Variants in SPG11 observed in about 807,000 individuals in gnomAD.
SPG11 encodes SPG11 vesicle trafficking associated, spatacsin.
Under a neutral mutation model 274.0 loss-of-function variants are expected in SPG11, and 222 were observed. The ratio of observed to expected loss-of-function variants is 0.81; its 90% CI spans 0.73 to 0.91. SPG11 has a LOEUF of 0.91. Among genes scored for constraint, SPG11 ranks in the 40% least tolerant of loss-of-function variants. The probability of loss-of-function intolerance (pLI) is 0.00; values close to 1 mark genes in which losing one functional copy is unlikely to be tolerated. For synonymous variants in SPG11, 1,144 were observed against 1,039.7 expected, an observed-to-expected ratio of 1.10 and a Z score of -1.93; for missense variants, 3,114 against 2,872.7, an observed-to-expected ratio of 1.08 and a Z score of -1.92.
intron 30 of SPG11, among the ~76,000 whole-genome samples, chr15:44,575,493 C>CT (rs35699941): frequency 0.013 from 1,859 of 138,468 alleles, 36 homozygotes; most frequent in South Asian, 0.049. Context: ...CTCCAACATA[C>CT]TTTTTTTTTT....
chr15:44,598,194 G>T, intron 23 of SPG11, 71 bp downstream of exon 23: 1 of 1,167,118 alleles, frequency 8.6e-7, no homozygotes, highest in Non-Finnish European at 1.3e-6. Flanking sequence ...GTTGTTCAAA[G>T]AAAAACTAGG....
chr15:44,660,398 TA>T, intron 2 of SPG11, 33 bp downstream of exon 2: 1 of 1,598,308 alleles, frequency 6.3e-7, no homozygotes, highest in South Asian at 1.1e-5. Flanking sequence ...GTCACAAATT[TA>T]AATATGCTGA....
At chr15:44,605,827 C>T (rs1680782673) in intron 20 of SPG11, among the ~76,000 whole-genome samples, 198 bp downstream of exon 20, 1 of 152,188 alleles carries the variant, frequency 6.6e-6, no homozygotes, top group African/African-American at 2.4e-5. Context: ...TCAGCAAGTA[C>T]AGCACTAGTA....
At position 44,629,381 on chromosome 15, in the gene SPG11, T is replaced by G. The variant is rs1276367363; in HGVS notation, c.1743A>C (p.Glu581Asp). 5 of 1,614,036 alleles carry G rather than the reference T, an allele frequency of 3.1e-6. No homozygotes were observed. Among genetic ancestry groups the G allele is most frequent in the Non-Finnish European group, 3.4e-6 (4 of 1,179,948 alleles). ...LSSHLYLRNV[E>D]ELIPALDLLC... ...GTAAATCCAATGCTGGTATCAGCTC[T>G]TCCACATCTGAGAAAGAACCAAAGA... Residue 581 changes from glutamate to aspartate, a missense_variant, in exon 9 of 40, where the codon GAA becomes GAC. Coordinates refer to ENST00000261866, the MANE Select transcript of SPG11 (RefSeq NM_025137.4).
intron 30 of SPG11, among the ~76,000 whole-genome samples, chr15:44,581,542 C>G (rs1265319352): frequency 6.6e-6 from 1 of 150,896 alleles, no homozygotes; most frequent in Non-Finnish European, 1.5e-5. Context: ...AGCAAAACAT[C>G]CTTTAGGAAT....
intron 8 of SPG11, among the ~76,000 whole-genome samples, chr15:44,630,996 A>G (rs2084045389): frequency 6.6e-6 from 1 of 152,368 alleles, no homozygotes; most frequent in South Asian, 2.1e-4. Context: ...GTGGAAAAAC[A>G]GCAGGTTGTA....
chr15:44,596,286 G>T lies in SPG11; in HGVS notation c.4231C>A (p.Pro1411Thr), dbSNP rs755918798. 3 of 1,614,024 alleles carry T rather than the reference G, an allele frequency of 1.9e-6. No homozygotes were observed. The highest frequency in any genetic ancestry group is 8.5e-7 in the Non-Finnish European group (1 of 1,180,026). The change falls in exon 25 of 40, where the codon CCC (proline) becomes ACC (threonine). Residue 1411 changes from proline (P) to threonine (T), a missense_variant. Coordinates refer to ENST00000261866, the MANE Select transcript of SPG11 (RefSeq NM_025137.4). ...TCCATTTTGGAGGTGGGCACTGAGG[G>T]CAAGTTCTCAAAAGCCAGCCTTAAG... ...DHLRLAFENL[P>T]SVPTSKMDSD...
At chr15:44,630,304 A>C (rs551188606) in intron 8 of SPG11, among the ~76,000 whole-genome samples, 53 of 152,290 alleles carry the variant, frequency 3.5e-4, no homozygotes, top group Middle Eastern at 3.4e-3. Flanking sequence ...CTAGGGGAGC[A>C]GGTAAGGCTA....
At chr15:44,645,839 CAA>C (rs1317171577) in intron 7 of SPG11, among the ~76,000 whole-genome samples, 1 of 152,004 alleles carries the variant, frequency 6.6e-6, no homozygotes, top group Non-Finnish European at 1.5e-5. Flanking sequence ...CTTCTCTTTT[CAA>C]AAGAAGACAT....
At chr15:44,579,123 A>G (rs1279084098) in intron 30 of SPG11, among the ~76,000 whole-genome samples, 1 of 151,912 alleles carries the variant, frequency 6.6e-6, no homozygotes, top group African/African-American at 2.4e-5. Context: ...GCACCACTGC[A>G]CTCCAGCCTG....
intron 4 of SPG11, among the ~76,000 whole-genome samples, chr15:44,656,016 A>G (rs2084929854): frequency 6.6e-6 from 1 of 152,344 alleles, no homozygotes; most frequent in East Asian, 1.9e-4. Context: ...TATATAAAAA[A>G]GAGAGGAAAT....
chr15:44,593,019 T>G (rs1219149522), intron 26 of SPG11, among the ~76,000 whole-genome samples: 1 of 151,984 alleles, frequency 6.6e-6, no homozygotes, highest in Non-Finnish European at 1.5e-5. Context: ...TAGCAATAGC[T>G]TCACAGATTA....
At chr15:44,588,879 A>T (rs1216352184) in intron 28 of SPG11, among the ~76,000 whole-genome samples, 1 of 152,210 alleles carries the variant, frequency 6.6e-6, no homozygotes, top group Non-Finnish European at 1.5e-5. Context: ...CTCCAGACTC[A>T]GAGCAGAGCC....
At chr15:44,580,971 T>C (rs1430363533) in intron 30 of SPG11, among the ~76,000 whole-genome samples, 5 of 151,982 alleles carry the variant, frequency 3.3e-5, no homozygotes, top group Admixed American at 3.3e-4. Context: ...ACCTACATAT[T>C]CAAGAAGCTC....
Position 44,572,824 on chromosome 15 carries a change from T to C in SPG11, c.6206-4A>G, listed in dbSNP as rs1444531163. The C allele has an allele frequency of 6.2e-7, 1 of 1,613,802 alleles. No homozygotes were observed. Among genetic ancestry groups the C allele is most frequent in the Non-Finnish European group, 8.5e-7 (1 of 1,179,904 alleles). On this transcript the variant is annotated splice_polypyrimidine_tract_variant and splice_region_variant and intron_variant, in intron 32 of 39. Transcript: ENST00000261866. ...GGGTTGAACATCTGCTTATGTCCTG[T>C]ACAGAGAGGTGTGAAGACAGGTGCT...
At position 44,573,696 on chromosome 15, in the gene SPG11, A is replaced by T. The variant is rs1268897921; in HGVS notation, c.6056T>A (p.Met2019Lys). The T allele has an allele frequency of 1.9e-6, 3 of 1,614,076 alleles. No homozygotes were observed. The highest frequency in any genetic ancestry group is 8.5e-7 in the Non-Finnish European group (1 of 1,180,038). ...TDVAAQDGEA[M>K]LRKILASQQP... ...CTGAGAGGCCAAGATTTTCCGGAGC[A>T]TGGCTTCACCATCCTGAGCAGCAAC... Residue 2019 changes from methionine to lysine, a missense_variant, in exon 32 of 40, where the codon ATG (methionine) becomes AAG (lysine). Transcript: ENST00000261866.
intron 34 of SPG11, among the ~76,000 whole-genome samples, chr15:44,570,029 C>T (rs889667893): frequency 6.6e-6 from 1 of 152,164 alleles, no homozygotes; most frequent in East Asian, 1.9e-4. Context: ...AAATGTGACT[C>T]TCAAGTGCTA....
chr15:44,642,364 C>CAAAAAAAAAAAAAGAAAAA (rs2084476643), intron 7 of SPG11, among the ~76,000 whole-genome samples: 1 of 44,548 alleles, frequency 2.2e-5, no homozygotes, highest in Non-Finnish European at 5.3e-5. Flanking sequence ...GACTCCATCT[C>CAAAAAAAAAAAAAGAAAAA]AAAAAAAAAA....
chr15:44,659,383 C>G, intron 2 of SPG11, 80 bp from the exon 3 acceptor site: 1 of 1,290,170 alleles, frequency 7.8e-7, no homozygotes, highest in South Asian at 1.2e-5. Context: ...AAACCTAATA[C>G]AAAAAAGTAA....
Sources: gnomAD v4.1 joint callset for allele counts (sites outside exome capture counted in the v4.1 genomes callset) on GRCh38, gnomAD v4.1.1 for gene constraint, MANE v1.5 for transcripts, NCBI Gene and HGNC (gene_info 2026-07-23, HGNC 2026-07-21) for gene names.